Variants in THSD7A observed in about 807,000 individuals in gnomAD.
THSD7A encodes thrombospondin type 1 domain containing 7A.
Under a neutral mutation model 231.3 loss-of-function variants are expected in THSD7A, and 96 were observed. The ratio of observed to expected loss-of-function variants is 0.41; its 90% confidence interval spans 0.35 to 0.49. The LOEUF is 0.49. THSD7A is among the 20% of genes least tolerant of loss of function. THSD7A has a pLI of 0.05. For synonymous variants in THSD7A, 940 were observed against 743.3 expected (o/e 1.26, Z -4.30); for missense variants, 2,290 against 2,070.2 (o/e 1.11, Z -2.06).
intron 13 of THSD7A, among the ~76,000 whole-genome samples, chr7:11,436,665 A>AT (rs1295815763): frequency 2.6e-5 from 4 of 151,662 alleles, no homozygotes; most frequent in Non-Finnish European, 5.9e-5. Flanking sequence ...GGAATTTAAG[A>AT]TTTTTTAAAG....
In THSD7A at chr7:11,627,249, A is replaced by T. The variant is rs982954523; in HGVS notation, c.1022+8881T>A. Among the ~76,000 whole-genome samples the T allele has an allele frequency of 4.6e-5, 7 of 152,054 alleles. No homozygotes were observed. In the South Asian group the frequency reaches 1.2e-3, roughly 27 times the overall value. ...TGTAACCCAGAACTTAAAGTAAAAT[A>T]AAAAAAATTAAATAAAAATCATATT... On this transcript the variant is annotated intron_variant, in intron 2 of 27. Coordinates refer to ENST00000423059, the MANE Select transcript of THSD7A (RefSeq NM_015204.3).
intron 9 of THSD7A, 24 bp from the exon 10 acceptor site, chr7:11,462,167 CTCTG>C (rs1188259480): frequency 6.2e-7 from 1 of 1,612,498 alleles, no homozygotes; most frequent in South Asian, 1.1e-5. Context: ...GTTTTTTAAC[CTCTG>C]TACTTTACAC....
chr7:11,689,280 C>G (rs1370360731), intron 1 of THSD7A, among the ~76,000 whole-genome samples: 1 of 151,850 alleles, frequency 6.6e-6, no homozygotes, highest in East Asian at 1.9e-4. Context: ...CATTGACTGC[C>G]TTAGACATCA....
intron 1 of THSD7A, among the ~76,000 whole-genome samples, chr7:11,664,731 C>A (rs1783055955): frequency 1.3e-5 from 2 of 151,908 alleles, no homozygotes; most frequent in South Asian, 4.1e-4. Context: ...TGATGGTAAG[C>A]TTAAGATGCT....
chr7:11,545,100 G>T (rs1441675522), intron 4 of THSD7A, among the ~76,000 whole-genome samples: 1 of 152,076 alleles, frequency 6.6e-6, no homozygotes, highest in Non-Finnish European at 1.5e-5. Flanking sequence ...TTCTTTTAAA[G>T]ACATGTATAG....
At position 11,377,892 on chromosome 7, in the gene THSD7A, TG is replaced by T. The variant is rs1478668297; in HGVS notation, c.4801+1177del. The T allele has an allele frequency of 1.3e-5, 2 of 152,052 alleles. No homozygotes were observed. The highest frequency in any genetic ancestry group is 4.8e-5 in the African/African-American group (2 of 41,428). The allele number at this position is 152,052 out of a possible 1,614,324, so 9.4% of individuals were successfully genotyped here. A position where few individuals can be genotyped will look rare whatever the true frequency, so the allele number is the denominator to read the frequency against. ...TTTTTCAAAAGGACTGGTTTTGATC[TG>T]AGGAGATCTGCTTCAATTCTTAGTG... On this transcript the variant is annotated intron_variant, in intron 26 of 27. Coordinates refer to ENST00000423059, the MANE Select transcript of THSD7A (RefSeq NM_015204.3). The surrounding 1 kb of genome is among the most constrained non-coding windows in gnomAD (Gnocchi z 4.5).
At chr7:11,561,278 TTAATA>T (rs1790066291) in intron 4 of THSD7A, among the ~76,000 whole-genome samples, 1 of 152,206 alleles carries the variant, frequency 6.6e-6, no homozygotes, top group Non-Finnish European at 1.5e-5. Context: ...ATGAGGGTTG[TTAATA>T]TAATGTCATG....
intron 1 of THSD7A, among the ~76,000 whole-genome samples, chr7:11,720,202 T>G (rs17165079): frequency 0.032 from 4,861 of 151,930 alleles, 156 homozygotes; most frequent in African/African-American, 0.089. Flanking sequence ...AGCCATTCTC[T>G]ACCAGAAAAC....
intron 22 of THSD7A, among the ~76,000 whole-genome samples, chr7:11,405,630 T>G (rs971545328): frequency 1.3e-5 from 2 of 152,306 alleles, no homozygotes; most frequent in Admixed American, 6.5e-5. Context: ...AGCTTATCAC[T>G]GTCTGCCATT....
chr7:11,576,404 G>T (rs1303852610), intron 4 of THSD7A, among the ~76,000 whole-genome samples: 1 of 152,038 alleles, frequency 6.6e-6, no homozygotes, highest in Non-Finnish European at 1.5e-5. Flanking sequence ...ATCTACTATG[G>T]GGAAATCTAC....
At chr7:11,705,212 GC>G (rs1780726146) in intron 1 of THSD7A, among the ~76,000 whole-genome samples, 1 of 150,854 alleles carries the variant, frequency 6.6e-6, no homozygotes, top group African/African-American at 2.4e-5. Flanking sequence ...AAGATGTAAT[GC>G]ACTAAATTTA....
chr7:11,730,477 T>C (rs1025618324), intron 1 of THSD7A, among the ~76,000 whole-genome samples: 2 of 151,658 alleles, frequency 1.3e-5, no homozygotes, highest in Admixed American at 6.6e-5. Context: ...GTTATTTACG[T>C]AATGTATTAT....
chr7:11,516,569 C>T (rs1788038874), intron 6 of THSD7A, among the ~76,000 whole-genome samples: 1 of 152,286 alleles, frequency 6.6e-6, no homozygotes, highest in East Asian at 1.9e-4. Flanking sequence ...CAGTCAATGC[C>T]AACATCCATC....
intron 1 of THSD7A, chr7:11,821,400 C>T (rs199909842): frequency 2.7e-5 from 8 of 294,340 alleles, no homozygotes; most frequent in East Asian, 5.8e-5. Flanking sequence ...TTTAAAAGCC[C>T]TTTTTTTTTC....
At chr7:11,403,952 C>T (rs992650237) in intron 22 of THSD7A, among the ~76,000 whole-genome samples, 1 of 152,078 alleles carries the variant, frequency 6.6e-6, no homozygotes, top group African/African-American at 2.4e-5. Flanking sequence ...TCACATACTG[C>T]CAGCTTTCAA....
At chr7:11,380,051 G>C (rs1782450241) in intron 24 of THSD7A, among the ~76,000 whole-genome samples, 1 of 152,148 alleles carries the variant, frequency 6.6e-6, no homozygotes, top group South Asian at 2.1e-4. Context: ...CAATTGAAAA[G>C]CTGATTTCAT....
In THSD7A at chr7:11,634,962, G is replaced by GA. The variant is rs980294121; in HGVS notation, c.1022+1167dup. Among the ~76,000 whole-genome samples, 5 of 151,478 alleles carry GA rather than the reference G, an allele frequency of 3.3e-5. No homozygotes were observed. The highest frequency in any genetic ancestry group is 3.2e-3 in the Middle Eastern group (1 of 316). On this transcript the variant is annotated intron_variant, in intron 2 of 27. Transcript: ENST00000423059. The surrounding 1 kb of genome is among the most constrained non-coding windows in gnomAD (Gnocchi z 4.1). The stretch of plus-strand genomic sequence containing the variant: ...ATAGATTGAAAAAAAAATCAGGTGA[G>GA]AAAAAAAATAAAGCTAAATAAAGCT...
intron 1 of THSD7A, among the ~76,000 whole-genome samples, chr7:11,803,057 T>C (rs1281577088): frequency 1.3e-5 from 2 of 152,272 alleles, no homozygotes; most frequent in Admixed American, 1.3e-4. Context: ...AGGGCATATG[T>C]AATAAGATAA....
intron 4 of THSD7A, among the ~76,000 whole-genome samples, chr7:11,562,038 T>C (rs1004376579): frequency 2.6e-5 from 4 of 152,154 alleles, no homozygotes; most frequent in African/African-American, 7.2e-5. Context: ...GTACAGGGAA[T>C]AGTTTGACTA....
Sources: gnomAD v4.1 joint callset for allele counts (sites outside exome capture counted in the v4.1 genomes callset) on GRCh38, gnomAD v4.1.1 for gene constraint, Gnocchi (gnomAD v3.1) non-coding constraint, MANE v1.5 for transcripts, NCBI Gene and HGNC (gene_info 2026-07-23, HGNC 2026-07-21) for gene names.